TMEM164: variants seen among roughly 807,000 people sequenced by gnomAD.
TMEM164 encodes the protein RP13-360B22.2.
A neutral mutation model predicts 18.8 loss-of-function variants in TMEM164; 4 were observed. The ratio of observed to expected loss-of-function variants is 0.21; its 90% CI spans 0.10 to 0.49. TMEM164 has a LOEUF of 0.49. Ranked by LOEUF, TMEM164 falls within the 20% of genes least tolerant of loss-of-function variation. The probability of loss-of-function intolerance (pLI) is 0.98; values close to 1 mark genes in which losing one functional copy is unlikely to be tolerated. For synonymous variants in TMEM164, 86 were observed against 101.7 expected, an observed-to-expected ratio of 0.85 and a Z score of 0.93; for missense variants, 108 against 239.9, an observed-to-expected ratio of 0.45 and a Z score of 3.63.
chrX:110,102,356 A>G (rs187559147), intron 3 of TMEM164, among the ~76,000 whole-genome samples: 1 of 110,445 alleles, frequency 9.1e-6, no homozygotes, highest in Admixed American at 9.6e-5. Context: ...TGTTAAAAAA[A>G]TTTTTTTCCT....
chrX:110,173,584 T>A lies in TMEM164; in HGVS notation c.*133T>A. The A allele has an allele frequency of 5.6e-6, 3 of 536,360 alleles. No individual in the cohort carries two copies. The highest frequency in any genetic ancestry group is 8.9e-6 in the Non-Finnish European group (3 of 338,013). 44.2% of individuals were successfully genotyped at this position (536,360 alleles called of 1,213,427 possible). On this transcript the variant is annotated 3_prime_UTR_variant, in exon 7 of 7. Transcript: ENST00000372068. ...GTGTATTTCTTTTTCCTCCTTTCTG[T>A]CCCTTTCTTCTACCACTCTTCCTTT...
chrX:110,143,577 C>T (rs937167358), intron 4 of TMEM164, among the ~76,000 whole-genome samples: 3 of 111,630 alleles, frequency 2.7e-5, no homozygotes, highest in Non-Finnish European at 5.7e-5. Context: ...CCAGAGCCAA[C>T]GTCTGTGTCC....
At chrX:110,137,201 G>A (rs1455074559) in intron 4 of TMEM164, among the ~76,000 whole-genome samples, 2 of 111,050 alleles carry the variant, frequency 1.8e-5, no homozygotes, top group Admixed American at 9.6e-5. Flanking sequence ...CATTCTCACC[G>A]ATTTATGAGC....
chrX:110,121,734 C>A (rs933596121), intron 4 of TMEM164, among the ~76,000 whole-genome samples: 5 of 112,083 alleles, frequency 4.5e-5, no homozygotes, highest in Admixed American at 3.8e-4. Context: ...AATGATAACT[C>A]AGTGTTTAAA....
chrX:110,084,242 G>A (rs1351090573), intron 3 of TMEM164, among the ~76,000 whole-genome samples: 2 of 103,741 alleles, frequency 1.9e-5, no homozygotes, highest in Admixed American at 1.1e-4. Context: ...GGTGGCTCAC[G>A]CCTGTAATCC....
intron 2 of TMEM164, among the ~76,000 whole-genome samples, chrX:110,018,117 C>G (rs767113517): frequency 4.5e-5 from 5 of 112,039 alleles, no homozygotes; most frequent in Admixed American, 9.4e-5. Context: ...CTGAGGCCAT[C>G]ATTTCCTGCC....
chrX:110,039,472 A>G (rs1265238810), intron 2 of TMEM164, among the ~76,000 whole-genome samples: 1 of 112,792 alleles, frequency 8.9e-6, no homozygotes, highest in African/African-American at 3.2e-5. Flanking sequence ...ATCTAAAGCA[A>G]TTGCCACCCT....
At chrX:110,080,680 T>A (rs898423667) in intron 3 of TMEM164, among the ~76,000 whole-genome samples, 1 of 112,073 alleles carries the variant, frequency 8.9e-6, no homozygotes, top group East Asian at 2.8e-4. Context: ...TCACCTAGCA[T>A]AATTCCCTGG....
At chrX:110,076,498 A>G (rs1421771370) in intron 3 of TMEM164, among the ~76,000 whole-genome samples, 1 of 109,725 alleles carries the variant, frequency 9.1e-6, no homozygotes, top group Non-Finnish European at 1.9e-5. Context: ...GGTTTTAGTT[A>G]TATCTTTTCT....
rs757062354 is a variant in TMEM164 at position 110,116,710 on chromosome X, G to A, written c.507+7564G>A. Among the ~76,000 whole-genome samples, 6 of 111,492 alleles carry A rather than the reference G, an allele frequency of 5.4e-5. No individual in the cohort carries two copies. In the South Asian group the frequency reaches 2.3e-3, roughly 42 times the overall value. On this transcript the variant is annotated intron_variant, in intron 4 of 6. Transcript: ENST00000372068. ...ATAAGAATTTCTTATGTGTGGATGG[G>A]ACTTTGGAATCAGAATAGCTCTTTT...
chrX:110,105,740 AGAGAGAGAAT>A (rs2066186401), intron 3 of TMEM164, among the ~76,000 whole-genome samples: 2 of 81,336 alleles, frequency 2.5e-5, no homozygotes, highest in Admixed American at 1.6e-4. Flanking sequence ...ACAGAGAGAG[AGAGAGAGAAT>A]GAGAGAGAGA....
intron 3 of TMEM164, among the ~76,000 whole-genome samples, chrX:110,088,854 T>C (rs2065888841): frequency 8.9e-6 from 1 of 112,357 alleles, no homozygotes; most frequent in Non-Finnish European, 1.9e-5. Context: ...TTTAGATGTA[T>C]GTCACCATTG....
intron 4 of TMEM164, among the ~76,000 whole-genome samples, chrX:110,137,307 A>G (rs746006943): frequency 4.5e-5 from 5 of 111,223 alleles, no homozygotes; most frequent in Admixed American, 2.9e-4. Context: ...CCTAGACTGT[A>G]GGTCCCAACA....
intron 4 of TMEM164, among the ~76,000 whole-genome samples, chrX:110,109,396 C>T (rs952314767): frequency 8.1e-5 from 9 of 111,478 alleles, no homozygotes; most frequent in African/African-American, 2.9e-4. Context: ...TATTTGCCTG[C>T]AATCCCAGCT....
chrX:110,102,524 A>G (rs745814418), intron 3 of TMEM164, among the ~76,000 whole-genome samples: 2 of 112,115 alleles, frequency 1.8e-5, no homozygotes, highest in Non-Finnish European at 3.8e-5. Context: ...CTAAATTAAA[A>G]TAGAATTCAT....
chrX:110,085,059 T>G, intron 3 of TMEM164, among the ~76,000 whole-genome samples: 1 of 110,846 alleles, frequency 9.0e-6, no homozygotes, highest in Non-Finnish European at 1.9e-5. Context: ...TCTAAAATAT[T>G]TCTTCTGGTT....
At chrX:110,103,323 T>C (rs1434771766) in intron 3 of TMEM164, among the ~76,000 whole-genome samples, 1 of 111,863 alleles carries the variant, frequency 8.9e-6, no homozygotes, top group Non-Finnish European at 1.9e-5. Flanking sequence ...AGGCAGGAGA[T>C]AGGAGCAAGG....
At chrX:110,080,780 G>A (rs1018989666) in intron 3 of TMEM164, among the ~76,000 whole-genome samples, 1 of 111,462 alleles carries the variant, frequency 9.0e-6, no homozygotes, top group African/African-American at 3.3e-5. Flanking sequence ...GTGCAGTGGT[G>A]CATTCACGGC....
chrX:110,173,797 G>A lies in TMEM164; in HGVS notation c.*346G>A, dbSNP rs1471159045. On this transcript the variant is annotated 3_prime_UTR_variant, in exon 7 of 7. Transcript: ENST00000372068. ...TGGTTGAGGAGAAAGGGAACAACAAGTAGTAGTTCTTTTGGCATCGAAGCA... is the reference window on the plus strand; with the variant it reads ...TGGTTGAGGAGAAAGGGAACAACAAATAGTAGTTCTTTTGGCATCGAAGCA... 7.9e-5 allele frequency: 17 copies of A among 215,151 alleles called. No homozygotes were observed. In the South Asian group the frequency reaches 1.0e-3, roughly 13 times the overall value. 17.7% of individuals were successfully genotyped at this position (215,151 alleles called of 1,213,427 possible).
Sources: gnomAD v4.1 joint callset for allele counts (sites outside exome capture counted in the v4.1 genomes callset) on GRCh38, gnomAD v4.1.1 for gene constraint, MANE v1.5 for transcripts, NCBI Gene and HGNC (gene_info 2026-07-23, HGNC 2026-07-21) for gene names.